NR3C2: variants seen among roughly 807,000 people sequenced by gnomAD.
NR3C2 encodes nuclear receptor subfamily 3 group C member 2, also known as mineralocorticoid receptor.
In NR3C2, 15 loss-of-function variants were observed where a neutral mutation model predicts 86.4. The observed-to-expected ratio is 0.17, with a 90% CI of 0.12 to 0.27. The LOEUF is 0.27. NR3C2 is among the 10% of genes least tolerant of loss of function. NR3C2 has a pLI of 1.00. For synonymous variants in NR3C2, 458 were observed against 450.5 expected, an observed-to-expected ratio of 1.02 and a Z score of -0.21; for missense variants, 960 against 1,195.6, an observed-to-expected ratio of 0.80 and a Z score of 2.91.
At chr4:148,168,287 C>T (rs1039740723) in intron 4 of NR3C2, among the ~76,000 whole-genome samples, 2 of 152,210 alleles carry the variant, frequency 1.3e-5, no homozygotes, top group African/African-American at 2.4e-5. Flanking sequence ...CTAATCTCCC[C>T]CTGCCCCAAA....
intron 2 of NR3C2, among the ~76,000 whole-genome samples, chr4:148,310,809 C>G (rs562493987): frequency 7.9e-5 from 12 of 152,298 alleles, no homozygotes; most frequent in Non-Finnish European, 1.6e-4. Context: ...CCCCTGCCAG[C>G]TACCAGCAAT....
chr4:148,085,880 GAAGA>G (rs1449829477), intron 8 of NR3C2, among the ~76,000 whole-genome samples: 3 of 152,160 alleles, frequency 2.0e-5, no homozygotes, highest in African/African-American at 7.2e-5. Context: ...AGAAAATCTA[GAAGA>G]AATGGATAAA....
At chr4:148,211,547 G>A (rs111687311) in intron 3 of NR3C2, among the ~76,000 whole-genome samples, 2 of 152,276 alleles carry the variant, frequency 1.3e-5, no homozygotes, top group African/African-American at 4.8e-5. Context: ...AAGCCTACAA[G>A]TAATATTTTA....
At chr4:148,178,298 TCCAGC>T (rs1735474735) in intron 4 of NR3C2, among the ~76,000 whole-genome samples, 3 of 151,760 alleles carry the variant, frequency 2.0e-5, no homozygotes, top group Non-Finnish European at 4.4e-5. Context: ...GCCACCTCAC[TCCAGC>T]CTGGGCAACA....
intron 2 of NR3C2, among the ~76,000 whole-genome samples, chr4:148,373,474 TTTTTTC>T (rs1474142300): frequency 3.7e-5 from 5 of 136,480 alleles, no homozygotes; most frequent in African/African-American, 1.5e-4. Flanking sequence ...GGATGACTTT[TTTTTTC>T]TTTTTTTTTT....
chr4:148,125,524 A>G (rs1032865476), intron 6 of NR3C2, among the ~76,000 whole-genome samples: 5 of 152,172 alleles, frequency 3.3e-5, no homozygotes, highest in African/African-American at 7.2e-5. Flanking sequence ...CCTGCCTATG[A>G]ATTTCCTAGT....
At chr4:148,285,277 T>C (rs968489779) in intron 2 of NR3C2, among the ~76,000 whole-genome samples, 2 of 152,212 alleles carry the variant, frequency 1.3e-5, no homozygotes, top group Admixed American at 6.5e-5. Flanking sequence ...GTAACTTCTA[T>C]TGTGAAAGAC....
chr4:148,241,043 C>A (rs562313304), intron 3 of NR3C2, among the ~76,000 whole-genome samples: 1 of 152,016 alleles, frequency 6.6e-6, no homozygotes, highest in Non-Finnish European at 1.5e-5. Flanking sequence ...CGGTGGCTCA[C>A]GCCTGTAATC....
At chr4:148,113,827 C>T (rs561111255) in intron 8 of NR3C2, among the ~76,000 whole-genome samples, 5 of 152,182 alleles carry the variant, frequency 3.3e-5, no homozygotes, top group African/African-American at 7.2e-5. Context: ...GGTTGCTAGG[C>T]GAAAATGCTA....
At chr4:148,345,403 A>C (rs531342000) in intron 2 of NR3C2, among the ~76,000 whole-genome samples, 1 of 152,078 alleles carries the variant, frequency 6.6e-6, no homozygotes, top group African/African-American at 2.4e-5. Context: ...TAAAAAAAAT[A>C]CATCGTTTTT....
intron 2 of NR3C2, among the ~76,000 whole-genome samples, chr4:148,272,602 T>C (rs981162382): frequency 7.9e-5 from 12 of 152,208 alleles, no homozygotes; most frequent in African/African-American, 2.9e-4. Context: ...ACTGCTCAAT[T>C]TAAGTATTTT....
intron 2 of NR3C2, among the ~76,000 whole-genome samples, chr4:148,283,230 A>C (rs1049942671): frequency 2.0e-5 from 3 of 152,222 alleles, no homozygotes; most frequent in African/African-American, 4.8e-5. Flanking sequence ...CAGGTAAGCC[A>C]ATTTTAGCCA....
At chr4:148,205,139 C>CA (rs746934422) in intron 3 of NR3C2, among the ~76,000 whole-genome samples, 5 of 152,142 alleles carry the variant, frequency 3.3e-5, no homozygotes, top group Non-Finnish European at 5.9e-5. Context: ...TTCTGAACAA[C>CA]AATATAACTC....
chr4:148,335,777 G>T (rs1211449046), intron 2 of NR3C2, among the ~76,000 whole-genome samples: 1 of 151,562 alleles, frequency 6.6e-6, no homozygotes, highest in Non-Finnish European at 1.5e-5. Context: ...AAAAAACTTT[G>T]TAACCTATAA....
chr4:148,266,397 T>C (rs1259706876), intron 2 of NR3C2, among the ~76,000 whole-genome samples: 2 of 152,152 alleles, frequency 1.3e-5, no homozygotes, highest in African/African-American at 2.4e-5. Context: ...CTGGTGATAC[T>C]GAAATGACAG....
intron 2 of NR3C2, among the ~76,000 whole-genome samples, chr4:148,421,000 C>G (rs1749254425): frequency 1.3e-5 from 2 of 152,168 alleles, no homozygotes; most frequent in Admixed American, 6.5e-5. Context: ...TACCTAGTTT[C>G]AGATATTTCT....
At chr4:148,359,634 A>G (rs1745741240) in intron 2 of NR3C2, among the ~76,000 whole-genome samples, 1 of 152,308 alleles carries the variant, frequency 6.6e-6, no homozygotes, top group South Asian at 2.1e-4. Flanking sequence ...AAAAGGGGCT[A>G]TGGTGGTACA....
chr4:148,216,396 A>G (rs1737539845), intron 3 of NR3C2, among the ~76,000 whole-genome samples: 2 of 152,170 alleles, frequency 1.3e-5, no homozygotes, highest in South Asian at 2.1e-4. Context: ...CAATCCCATG[A>G]AACAGTCTTA....
At chr4:148,247,405 G>A (rs1410417736) in intron 3 of NR3C2, among the ~76,000 whole-genome samples, 1 of 152,118 alleles carries the variant, frequency 6.6e-6, no homozygotes, top group African/African-American at 2.4e-5. Flanking sequence ...TTTCTGCCTA[G>A]TGAACTGAGT....
Sources: gnomAD v4.1 joint callset for allele counts (sites outside exome capture counted in the v4.1 genomes callset) on GRCh38, gnomAD v4.1.1 for gene constraint, MANE v1.5 for transcripts, NCBI Gene and HGNC (gene_info 2026-07-23, HGNC 2026-07-21) for gene names.